QRFPR: variants seen among roughly 807,000 people sequenced by gnomAD.
The protein encoded by QRFPR is pyroglutamylated RF-amide peptide receptor.
Under a neutral mutation model 31.3 loss-of-function variants are expected in QRFPR, and 37 were observed. The ratio of observed to expected loss-of-function variants is 1.18; its 90% CI spans 0.91 to 1.56. QRFPR has a LOEUF of 1.56. Among genes scored for constraint, QRFPR ranks in the 40% most tolerant of loss-of-function variants. The pLI is 0.00. For missense variants in QRFPR, 542 were observed against 532.5 expected (o/e 1.02, Z -0.18); for synonymous variants, 197 against 192.0 (o/e 1.03, Z -0.22).
intron 1 of QRFPR, among the ~76,000 whole-genome samples, chr4:121,365,550 A>ATTTAAT (rs1560743676): frequency 1.3e-4 from 1 of 7,922 alleles, no homozygotes; most frequent in East Asian, 4.8e-3. Context: ...TATTATATAT[A>ATTTAAT]ATATATAATA....
chr4:121,342,471 T>G, intron 1 of QRFPR, among the ~76,000 whole-genome samples: 1 of 152,160 alleles, frequency 6.6e-6, no homozygotes, highest in East Asian at 1.9e-4. Flanking sequence ...AGTCACCTTC[T>G]CAATGAGGCT....
intron 1 of QRFPR, among the ~76,000 whole-genome samples, chr4:121,353,829 T>A (rs1579579703): frequency 6.6e-6 from 1 of 152,064 alleles, no homozygotes; most frequent in East Asian, 1.9e-4. Context: ...TTTATTCTAG[T>A]TATTTTACAG....
intron 1 of QRFPR, among the ~76,000 whole-genome samples, chr4:121,368,661 T>A (rs1299396633): frequency 6.7e-6 from 1 of 149,904 alleles, no homozygotes; most frequent in Non-Finnish European, 1.5e-5. Context: ...TGGGTCCCCT[T>A]ACTGATAAGG....
chr4:121,364,158 A>G lies in QRFPR; in HGVS notation c.340+16150T>C, dbSNP rs1260650984. Reference sequence around the variant, plus strand: ...ATCAGTAGGATGGCTCTGTATGAATACGGGTGTGGTAACATCATGCCTACA... The same window carrying G: ...ATCAGTAGGATGGCTCTGTATGAATGCGGGTGTGGTAACATCATGCCTACA... On this transcript the variant is annotated intron_variant, in intron 1 of 5. Coordinates refer to ENST00000394427, the MANE Select transcript of QRFPR (RefSeq NM_198179.3). Among the ~76,000 whole-genome samples, 4 of 149,728 alleles carry G rather than the reference A, an allele frequency of 2.7e-5. No homozygotes were observed. In the East Asian group the frequency reaches 8.0e-4, roughly 30 times the overall value.
At chr4:121,380,194 A>AGG (rs1553948891) in intron 1 of QRFPR, 114 bp downstream of exon 1, 4,086 of 198,448 alleles carry the variant, frequency 0.021, 400 homozygotes, top group Admixed American at 0.029. Context: ...GAGGAGAGAG[A>AGG]GAGAGAGAGA....
At chr4:121,374,643 G>A (rs1383293263) in intron 1 of QRFPR, among the ~76,000 whole-genome samples, 1 of 152,080 alleles carries the variant, frequency 6.6e-6, no homozygotes, top group African/African-American at 2.4e-5. Flanking sequence ...TCCAGGGGTA[G>A]GAACCAGGCA....
At chr4:121,375,472 A>G (rs1367351755) in intron 1 of QRFPR, among the ~76,000 whole-genome samples, 1 of 152,226 alleles carries the variant, frequency 6.6e-6, no homozygotes, top group Non-Finnish European at 1.5e-5. Flanking sequence ...GAAATACCCA[A>G]GAAATGCTGA....
intron 1 of QRFPR, among the ~76,000 whole-genome samples, chr4:121,365,674 T>TATATATTATATATATA (rs1726124086): frequency 3.4e-5 from 1 of 29,668 alleles, no homozygotes; most frequent in African/African-American, 1.3e-4. Context: ...TTTTATATAT[T>TATATATTATATATATA]ATATATATAT....
intron 3 of QRFPR, among the ~76,000 whole-genome samples, chr4:121,335,586 G>C (rs1406473732): frequency 4.2e-4 from 26 of 62,238 alleles, no homozygotes; most frequent in African/African-American, 7.4e-4. Context: ...GGTGGGGGGT[G>C]GGGCGGGGAG....
intron 1 of QRFPR, among the ~76,000 whole-genome samples, chr4:121,358,481 A>G (rs1725911486): frequency 6.6e-6 from 1 of 152,212 alleles, no homozygotes; most frequent in Admixed American, 6.5e-5. Context: ...CAAATAAATG[A>G]TAACTGAAAA....
At chr4:121,330,606 G>C (rs1725303864) in intron 4 of QRFPR, 83 bp from the exon 5 acceptor site, 2 of 972,440 alleles carry the variant, frequency 2.1e-6, no homozygotes, top group Non-Finnish European at 3.3e-6. Context: ...TAAAGTCTGA[G>C]CTTAGTTCAC....
chr4:121,340,652 AG>A (rs777441212), intron 1 of QRFPR, 42 bp from the exon 2 acceptor site: 4 of 1,576,786 alleles, frequency 2.5e-6, no homozygotes, highest in Admixed American at 3.5e-5. Flanking sequence ...CAAAACAAAA[AG>A]AATAAAGGTT....
chr4:121,371,460 A>T (rs372640029), intron 1 of QRFPR, among the ~76,000 whole-genome samples: 1 of 152,214 alleles, frequency 6.6e-6, no homozygotes, highest in African/African-American at 2.4e-5. Context: ...GGGAGAAGGC[A>T]TATGTCCACT....
In QRFPR at chr4:121,329,140, G is replaced by C; in HGVS notation, c.*174C>G. On this transcript the variant is annotated 3_prime_UTR_variant, in exon 6 of 6. Coordinates refer to ENST00000394427, the MANE Select transcript of QRFPR (RefSeq NM_198179.3). ...ATCTGTTAAATGATTGTGATCAATTGGTTGTAAACATCACTGCACTTGGAC... is the reference window on the plus strand; with the variant it reads ...ATCTGTTAAATGATTGTGATCAATTCGTTGTAAACATCACTGCACTTGGAC... 1.9e-6 allele frequency: 1 copy of C among 525,314 alleles called. No homozygotes were observed. Among genetic ancestry groups the C allele is most frequent in the East Asian group, 3.1e-5 (1 of 32,510 alleles). The allele number at this position is 525,314 out of a possible 1,614,324, so 32.5% of individuals were successfully genotyped here.
intron 1 of QRFPR, among the ~76,000 whole-genome samples, chr4:121,360,653 A>T (rs935387053): frequency 6.6e-6 from 1 of 152,154 alleles, no homozygotes; most frequent in Non-Finnish European, 1.5e-5. Context: ...AAAACTGCTA[A>T]TATTGACTCA....
At position 121,380,186 on chromosome 4, in the gene QRFPR, G is replaced by GGAGAGAGA. The variant is rs70950816; in HGVS notation, c.340+114_340+121dup. 3.6e-3 allele frequency: 843 copies of GGAGAGAGA among 234,588 alleles called. 31 individuals are homozygous for GGAGAGAGA. Among genetic ancestry groups the GGAGAGAGA allele is most frequent in the East Asian group, 9.2e-3 (185 of 20,002 alleles). 14.5% of individuals were successfully genotyped at this position (234,588 alleles called of 1,614,324 possible). A position where few individuals can be genotyped will look rare whatever the true frequency, so the allele number is the denominator to read the frequency against. On this transcript the variant is annotated intron_variant, in intron 1 of 5. Coordinates refer to ENST00000394427, the MANE Select transcript of QRFPR (RefSeq NM_198179.3). The stretch of plus-strand genomic sequence containing the variant: ...GAGAGAGAGACAGACAGACGAGAGA[G>GGAGAGAGA]GAGAGAGAGAGAGAGAGAGAGAGAG...
intron 2 of QRFPR, among the ~76,000 whole-genome samples, chr4:121,338,823 G>C (rs1035292665): frequency 6.6e-5 from 10 of 152,184 alleles, no homozygotes; most frequent in African/African-American, 2.4e-4. Flanking sequence ...GAACTGCCTT[G>C]ACTGCCTATT....
Position 121,380,828 on chromosome 4 carries a change from G to C in QRFPR, c.-181C>G. On this transcript the variant is annotated 5_prime_UTR_variant, in exon 1 of 6. Coordinates refer to ENST00000394427, the MANE Select transcript of QRFPR (RefSeq NM_198179.3). ...AGGTTCGGGAAAGGAGAGCAGCTCA[G>C]GGATCAAACCCACGATAAAGAGGCG... 1.7e-6 allele frequency: 1 copy of C among 582,016 alleles called. No individual in the cohort carries two copies. The highest frequency in any genetic ancestry group is 3.0e-6 in the Non-Finnish European group (1 of 333,032). The allele number at this position is 582,016 out of a possible 1,614,324, so 36.1% of individuals were successfully genotyped here.
chr4:121,370,829 TA>T (rs1726228184), intron 1 of QRFPR, among the ~76,000 whole-genome samples: 1 of 152,242 alleles, frequency 6.6e-6, no homozygotes. Context: ...TAAGAAGAAC[TA>T]GATATGCATT....
Sources: allele counts gnomAD v4.1 joint callset (sites outside exome capture counted in the v4.1 genomes callset), GRCh38; gene constraint gnomAD v4.1.1; transcripts MANE v1.5; gene names NCBI Gene and HGNC (gene_info 2026-07-23, HGNC 2026-07-21).